PDSS1: variants seen among roughly 807,000 people sequenced by gnomAD.
PDSS1 encodes decaprenyl diphosphate synthase subunit 1.
In PDSS1, 43 loss-of-function variants were observed where a neutral mutation model predicts 57.5. The observed-to-expected ratio is 0.75, with a 90% CI of 0.59 to 0.96. PDSS1 has a LOEUF of 0.96. Among genes scored for constraint, PDSS1 ranks in the 50% least tolerant of loss-of-function variants. The probability of loss-of-function intolerance (pLI) is 0.00; values close to 1 mark genes in which losing one functional copy is unlikely to be tolerated. For missense variants in PDSS1, 438 were observed against 527.8 expected, an observed-to-expected ratio of 0.83 and a Z score of 1.67; for synonymous variants, 175 against 191.3, an observed-to-expected ratio of 0.91 and a Z score of 0.70.
At chr10:26,735,384 G>A (rs1836359513) in intron 9 of PDSS1, 64 bp downstream of exon 9, 1 of 1,375,444 alleles carries the variant, frequency 7.3e-7, no homozygotes, top group Non-Finnish European at 1.0e-6. Flanking sequence ...CTCCCCTAGT[G>A]TGTAATCGTC....
chr10:26,740,179 C>T (rs1429905189), intron 10 of PDSS1, among the ~76,000 whole-genome samples: 1 of 150,174 alleles, frequency 6.7e-6, no homozygotes, highest in Admixed American at 6.6e-5. Context: ...TAGCCAGGTG[C>T]GTGCCTGTAG....
chr10:26,709,596 A>G (rs371686043), intron 4 of PDSS1, 42 bp from the exon 5 acceptor site: 11 of 1,603,978 alleles, frequency 6.9e-6, no homozygotes, highest in Non-Finnish European at 8.5e-6. Context: ...CTTTCTGTGC[A>G]GTTTTTTGAT....
intron 5 of PDSS1, among the ~76,000 whole-genome samples, chr10:26,712,201 A>C (rs1835426138): frequency 1.0e-5 from 1 of 97,312 alleles, no homozygotes; most frequent in African/African-American, 3.3e-5. Context: ...GGATTTCGCC[A>C]TGTTGGCCAG....
intron 8 of PDSS1, among the ~76,000 whole-genome samples, chr10:26,734,935 C>T (rs1392254233): frequency 3.3e-5 from 5 of 152,186 alleles, no homozygotes; most frequent in Non-Finnish European, 5.9e-5. Context: ...TAGCATGTTA[C>T]CAGCAGAACT....
Position 26,735,263 on chromosome 10 carries a change from C to T in PDSS1, c.855C>T (p.Asp285=), listed in dbSNP as rs1489828432. The T allele has an allele frequency of 5.0e-6, 8 of 1,613,272 alleles. No individual in the cohort carries two copies. Among genetic ancestry groups the T allele is most frequent in the Admixed American group, 1.7e-5 (1 of 59,998 alleles). The part of the protein sequence containing the change: ...CKAVSVLGCP[D]PVVHEIAYQY... ...AGGTCTCTGTTCTAGGATGTCCCGACCCAGTGGTGCATGAGATCGCCTATC... is the reference window on the plus strand; with the variant it reads ...AGGTCTCTGTTCTAGGATGTCCCGATCCAGTGGTGCATGAGATCGCCTATC... The change falls in exon 9 of 12, where the codon GAC becomes GAT. Residue 285 remains aspartate (D), a synonymous_variant. Coordinates refer to ENST00000376215, the MANE Select transcript of PDSS1 (RefSeq NM_014317.5).
intron 6 of PDSS1, among the ~76,000 whole-genome samples, chr10:26,721,423 T>C (rs200687860): frequency 1.3e-5 from 2 of 149,268 alleles, no homozygotes; most frequent in South Asian, 2.1e-4. Flanking sequence ...GATATATGTA[T>C]ACACACACAC....
At chr10:26,721,429 C>T (rs950336678) in intron 6 of PDSS1, among the ~76,000 whole-genome samples, 52 of 151,754 alleles carry the variant, frequency 3.4e-4, no homozygotes, top group African/African-American at 1.2e-3. Flanking sequence ...TGTATACACA[C>T]ACACACACAC....
chr10:26,721,532 A>G (rs1835786047), intron 6 of PDSS1, among the ~76,000 whole-genome samples: 2 of 151,896 alleles, frequency 1.3e-5, no homozygotes, highest in Admixed American at 1.3e-4. Flanking sequence ...GAGTCTTGCA[A>G]TTTCATTTAT....
intron 6 of PDSS1, among the ~76,000 whole-genome samples, chr10:26,722,976 T>C (rs1455997483): frequency 6.6e-6 from 1 of 152,076 alleles, no homozygotes; most frequent in South Asian, 2.1e-4. Context: ...CAAAATTCTT[T>C]GGTTTAATTT....
chr10:26,703,239 C>A lies in PDSS1; in HGVS notation c.162+1045C>A, dbSNP rs191069911. Among the ~76,000 whole-genome samples the A allele has an allele frequency of 5.1e-4, 77 of 152,282 alleles. 1 individual carries two copies. In the East Asian group the frequency reaches 0.014, roughly 29 times the overall value. ...TAGGCCACTTGGTGGTAAAAAGCGT[C>A]CCCTGTATTAATTAGCTGTGTAATT... On this transcript the variant is annotated intron_variant, in intron 2 of 11. Transcript: ENST00000376215.
chr10:26,719,434 C>G (rs1835708350), intron 5 of PDSS1, among the ~76,000 whole-genome samples: 1 of 152,198 alleles, frequency 6.6e-6, no homozygotes. Context: ...TTACAAACAT[C>G]TTCTGTTGGT....
chr10:26,727,916 T>G (rs191810348), intron 8 of PDSS1, among the ~76,000 whole-genome samples: 1 of 152,280 alleles, frequency 6.6e-6, no homozygotes, highest in Non-Finnish European at 1.5e-5. Context: ...GTCGGGCTTC[T>G]CTGATACTTC....
In PDSS1 at chr10:26,704,857, G is replaced by A. The variant is rs1835159333; in HGVS notation, c.227+116G>A. On this transcript the variant is annotated intron_variant, in intron 3 of 11. Coordinates refer to ENST00000376215, the MANE Select transcript of PDSS1 (RefSeq NM_014317.5). ...TCACTGTGTTGCCCAGGCTGGTCTT[G>A]AACTGCTGGCCTCAAGCTATCCTCC... The A allele has an allele frequency of 5.8e-6, 4 of 686,142 alleles. No homozygotes were observed. The Admixed American group carries it at 8.3e-5, about 14-fold the overall frequency. 42.5% of individuals were successfully genotyped at this position (686,142 alleles called of 1,614,324 possible).
intron 5 of PDSS1, among the ~76,000 whole-genome samples, chr10:26,719,640 TG>T (rs1354468027): frequency 6.6e-6 from 1 of 152,098 alleles, no homozygotes; most frequent in African/African-American, 2.4e-5. Flanking sequence ...TGGTGGTGTA[TG>T]CCTGTAGTCC....
chr10:26,698,317 C>T (rs1463347185), intron 1 of PDSS1, among the ~76,000 whole-genome samples: 2 of 152,016 alleles, frequency 1.3e-5, no homozygotes, highest in Non-Finnish European at 2.9e-5. Flanking sequence ...CCGAAAAGGT[C>T]TTGTGGAGAA....
intron 11 of PDSS1, among the ~76,000 whole-genome samples, chr10:26,744,376 T>C (rs1297330686): frequency 1.3e-5 from 2 of 152,010 alleles, no homozygotes; most frequent in Non-Finnish European, 2.9e-5. Context: ...TATTTTATTT[T>C]TATTTTATTA....
chr10:26,706,422 C>T (rs548676965), intron 4 of PDSS1, among the ~76,000 whole-genome samples: 1 of 152,184 alleles, frequency 6.6e-6, no homozygotes, highest in Non-Finnish European at 1.5e-5. Flanking sequence ...CTTGCCTGCG[C>T]CTTCTCTGGC....
intron 2 of PDSS1, among the ~76,000 whole-genome samples, chr10:26,703,408 G>A (rs925965495): frequency 1.3e-5 from 2 of 152,148 alleles, no homozygotes; most frequent in Non-Finnish European, 1.5e-5. Flanking sequence ...CACTTGGGGA[G>A]GCTGTGGCAG....
Position 26,746,641 on chromosome 10 carries a change from A to T in PDSS1, c.*168A>T. On this transcript the variant is annotated 3_prime_UTR_variant, in exon 12 of 12. Coordinates refer to ENST00000376215, the MANE Select transcript of PDSS1 (RefSeq NM_014317.5). ...TTTTATTGCAAAAGTTTTTTCAGAA[A>T]ACTTTTTAAATGTAATTAATAAACC... The T allele has an allele frequency of 1.5e-6, 1 of 670,720 alleles. No individual in the cohort carries two copies. Among genetic ancestry groups the T allele is most frequent in the Non-Finnish European group, 2.5e-6 (1 of 392,164 alleles). 41.5% of individuals were successfully genotyped at this position (670,720 alleles called of 1,614,324 possible).
Sources: gnomAD v4.1 joint callset for allele counts (sites outside exome capture counted in the v4.1 genomes callset) on GRCh38, gnomAD v4.1.1 for gene constraint, MANE v1.5 for transcripts, NCBI Gene and HGNC (gene_info 2026-07-23, HGNC 2026-07-21) for gene names.